The following PNPLA7 variants were observed in gnomAD, a reference collection of about 807,000 sequenced individuals.
PNPLA7 encodes the protein patatin like domain 7, lysophospholipase.
In PNPLA7, 153 loss-of-function variants were observed where a neutral mutation model predicts 161.7. That is an observed-to-expected ratio of 0.95 (90% CI 0.83 to 1.08). The LOEUF is 1.08. Among genes scored for constraint, PNPLA7 ranks in the 50% least tolerant of loss-of-function variants. The pLI is 0.00. For synonymous variants in PNPLA7, 809 were observed against 782.1 expected, an observed-to-expected ratio of 1.03 and a Z score of -0.57; for missense variants, 1,739 against 1,856.6, an observed-to-expected ratio of 0.94 and a Z score of 1.16.
At chr9:137,519,800 G>A in intron 11 of PNPLA7, 117 bp downstream of exon 11, 1 of 1,361,368 alleles carries the variant, frequency 7.3e-7, no homozygotes, top group South Asian at 1.4e-5. Flanking sequence ...GGTGACCCGG[G>A]GATGTGTGTG....
At chr9:137,478,861 G>T (rs1832067371) in intron 24 of PNPLA7, 195 bp downstream of exon 24, 2 of 775,948 alleles carry the variant, frequency 2.6e-6, no homozygotes, top group Admixed American at 3.4e-5. Context: ...TGCACCGGCT[G>T]CTTCCTAGCC....
At chr9:137,538,197 G>A (rs974748373) in intron 8 of PNPLA7, among the ~76,000 whole-genome samples, 1 of 152,210 alleles carries the variant, frequency 6.6e-6, no homozygotes, top group African/African-American at 2.4e-5. Flanking sequence ...AAGGAGGTGG[G>A]TGTCTTCTCC....
In PNPLA7 at chr9:137,543,920, G is replaced by T; in HGVS notation, c.274-105C>A. On this transcript the variant is annotated intron_variant, in intron 4 of 34. Transcript: ENST00000406427. The surrounding 1 kb of genome is among the most constrained non-coding windows in gnomAD (Gnocchi z 6.9). The stretch of plus-strand genomic sequence containing the variant: ...AGGACCTGCCTGTGGGCCTCCCACA[G>T]TCCCAGCTTCAGCTCCTGGGGTCTG... 2 of 924,242 alleles carry T rather than the reference G, an allele frequency of 2.2e-6. No individual in the cohort carries two copies. Among genetic ancestry groups the T allele is most frequent in the Non-Finnish European group, 3.5e-6 (2 of 577,820 alleles). The allele number at this position is 924,242 out of a possible 1,614,324, so 57.3% of individuals were successfully genotyped here. A position where few individuals can be genotyped will look rare whatever the true frequency, so the allele number is the denominator to read the frequency against.
intron 12 of PNPLA7, among the ~76,000 whole-genome samples, chr9:137,510,115 G>T (rs1486751756): frequency 6.6e-6 from 1 of 152,150 alleles, no homozygotes; most frequent in South Asian, 2.1e-4. Flanking sequence ...GAAGACGCCC[G>T]TTACCAGGCG....
At chr9:137,471,129 G>A (rs1314335736) in intron 25 of PNPLA7, among the ~76,000 whole-genome samples, 1 of 152,244 alleles carries the variant, frequency 6.6e-6, no homozygotes, top group Non-Finnish European at 1.5e-5. Flanking sequence ...TACAGGAAGA[G>A]AAAATACTGT....
rs1832082045 is a variant in PNPLA7 at position 137,479,139 on chromosome 9, G to A, written c.2680C>T (p.Leu894Phe). 6.3e-7 allele frequency: 1 copy of A among 1,592,478 alleles called. No individual in the cohort carries two copies. The highest frequency in any genetic ancestry group is 8.5e-7 in the Non-Finnish European group (1 of 1,170,898). ...GPAPARTVEW[L>F]NMRSWCSGHL... ...CCGGAGCACCAGCTCCGCATGTTGA[G>A]CCACTCCACGGTGCGCGCTGGCGCC... Residue 894 changes from leucine (L) to phenylalanine (F), a missense_variant, in exon 24 of 35, where the codon CTC (leucine) becomes TTC (phenylalanine). By Grantham distance (22) the Leu-to-Phe change is conservative (BLOSUM62 0). Coordinates refer to ENST00000406427, the MANE Select transcript of PNPLA7 (RefSeq NM_001098537.3).
rs371275741 is a variant in PNPLA7, at chr9:137,505,568, G to A, written c.1473+46C>T. On this transcript the variant is annotated intron_variant, in intron 14 of 34. Transcript: ENST00000406427. ...CCAACAGAGGCAGAGAGGAGGCCAC[G>A]GGCCCTGGGTGGGACAAGGGCCAGG... 2.9e-5 allele frequency: 46 copies of A among 1,603,916 alleles called. No individual in the cohort carries two copies. The African/African-American group carries it at 3.2e-4, about 11-fold the overall frequency.
At chr9:137,513,135 G>C (rs984338079) in intron 12 of PNPLA7, among the ~76,000 whole-genome samples, 1 of 152,110 alleles carries the variant, frequency 6.6e-6, no homozygotes, top group East Asian at 1.9e-4. Context: ...CCTCATTCTT[G>C]CAGTATAAAC....
Position 137,461,940 on chromosome 9 carries a change from G to A in PNPLA7, c.3747C>T (p.Pro1249=), listed in dbSNP as rs544904061. 6 of 1,575,000 alleles carry A rather than the reference G, an allele frequency of 3.8e-6. No homozygotes were observed. The highest frequency in any genetic ancestry group is 2.3e-5 in the East Asian group (1 of 42,608). ...GGACGCCCGTACTCACCGCACTCGC[G>A]GGCTTCTTGCTCGGCCCCTGCTGGT... ...LRDQQGPSKK[P]ASAVLTCPNA... Residue 1249 remains proline, a synonymous_variant, in exon 32 of 35, where the codon CCC becomes CCT. Transcript: ENST00000406427.
In PNPLA7 at chr9:137,524,291, G is replaced by A. The variant is rs1835188763; in HGVS notation, c.748-1434C>T. On this transcript the variant is annotated intron_variant, in intron 8 of 34. Transcript: ENST00000406427. The surrounding 1 kb of genome is among the most constrained non-coding windows in gnomAD (Gnocchi z 4.4). ...GAGGTCTCTGCCTTGACTCCCAAGT[G>A]CTGGCTGTCTCGTGGAGGCCTCGCA... Among the ~76,000 whole-genome samples the A allele has an allele frequency of 6.6e-6, 1 of 152,134 alleles. No individual in the cohort carries two copies. Among genetic ancestry groups the A allele is most frequent in the Non-Finnish European group, 1.5e-5 (1 of 68,020 alleles).
Position 137,484,756 on chromosome 9 carries a change from C to G in PNPLA7, c.2198-20G>C. The G allele has an allele frequency of 6.3e-7, 1 of 1,590,082 alleles. No homozygotes were observed. Among genetic ancestry groups the G allele is most frequent in the South Asian group, 1.1e-5 (1 of 87,596 alleles). On this transcript the variant is annotated intron_variant, in intron 20 of 34. Transcript: ENST00000406427. ...GGTGGCCTGTGGAGCAAAGGACCCA[C>G]GTCAGCTGGGACAGCCCACACGCTC... is the stretch of plus-strand genomic sequence containing the variant.
chr9:137,495,599 A>G (rs376072199), intron 18 of PNPLA7, among the ~76,000 whole-genome samples: 2,335 of 151,806 alleles, frequency 0.015, 54 homozygotes, highest in African/African-American at 0.054. Flanking sequence ...GCCCACCACC[A>G]CGCCCGGCTA....
At chr9:137,511,748 C>T (rs1270244478) in intron 12 of PNPLA7, among the ~76,000 whole-genome samples, 5 of 152,224 alleles carry the variant, frequency 3.3e-5, no homozygotes, top group Admixed American at 2.0e-4. Flanking sequence ...TTTCATATTC[C>T]GCCTGTACAC....
At position 137,521,719 on chromosome 9, in the gene PNPLA7, G is replaced by A; in HGVS notation, c.877-3C>T. ...CTCTGCAGCCGCACCATGATGATCT[G>A]CAAGAACACGCCAGCTGCGCGGTGA... is the stretch of plus-strand genomic sequence containing the variant. On this transcript the variant is annotated splice_region_variant and splice_polypyrimidine_tract_variant and intron_variant, in intron 9 of 34. Transcript: ENST00000406427. 1 of 1,609,220 alleles carries A rather than the reference G, an allele frequency of 6.2e-7. No homozygotes were observed. Among genetic ancestry groups the A allele is most frequent in the South Asian group, 1.1e-5 (1 of 90,954 alleles).
At chr9:137,531,711 T>C (rs1835590271) in intron 8 of PNPLA7, among the ~76,000 whole-genome samples, 1 of 152,316 alleles carries the variant, frequency 6.6e-6, no homozygotes, top group Middle Eastern at 3.4e-3. Flanking sequence ...CCTGGTGTGA[T>C]GCCATTTATG....
At chr9:137,489,153 GTAGGAGA>G (rs1832648811) in intron 20 of PNPLA7, among the ~76,000 whole-genome samples, 1 of 152,144 alleles carries the variant, frequency 6.6e-6, no homozygotes, top group South Asian at 2.1e-4. Context: ...CCAACTAGAG[GTAGGAGA>G]TCAAGAAAGC....
chr9:137,503,662 A>C (rs1833652476), intron 14 of PNPLA7, among the ~76,000 whole-genome samples: 2 of 129,846 alleles, frequency 1.5e-5, no homozygotes, highest in Non-Finnish European at 3.2e-5. Context: ...AAGAAGGAGA[A>C]GGGGAAGGAA....
chr9:137,512,580 C>T (rs535484620), intron 12 of PNPLA7, among the ~76,000 whole-genome samples: 1 of 152,302 alleles, frequency 6.6e-6, no homozygotes, highest in African/African-American at 2.4e-5. Flanking sequence ...TTTATGGAGT[C>T]ATCAAACCGT....
At chr9:137,481,161 T>TG in intron 21 of PNPLA7, 138 bp from the exon 22 acceptor site, 1 of 869,178 alleles carries the variant, frequency 1.2e-6, no homozygotes, top group South Asian at 1.5e-5. Context: ...AGGAAGGCAG[T>TG]GAGAGTCCAC....
Sources: gnomAD v4.1 joint callset for allele counts (sites outside exome capture counted in the v4.1 genomes callset) on GRCh38, gnomAD v4.1.1 for gene constraint, Gnocchi (gnomAD v3.1) non-coding constraint, MANE v1.5 for transcripts, NCBI Gene and HGNC (gene_info 2026-07-23, HGNC 2026-07-21) for gene names.